CEP63: variants seen among roughly 807,000 people sequenced by gnomAD.
CEP63 encodes the protein centrosomal protein of 63 kDa.
A neutral mutation model predicts 89.1 loss-of-function variants in CEP63; 84 were observed. The ratio of observed to expected loss-of-function variants is 0.94; its 90% CI spans 0.79 to 1.13. The LOEUF is 1.13. CEP63 is among the 50% of genes most tolerant of loss of function. CEP63 has a pLI of 0.00. For synonymous variants in CEP63, 267 were observed against 272.5 expected, an observed-to-expected ratio of 0.98 and a Z score of 0.20; for missense variants, 838 against 813.3, an observed-to-expected ratio of 1.03 and a Z score of -0.37.
chr3:134,608,940 A>G, the CEP63 span: 1 of 1,357,372 alleles, frequency 7.4e-7, no homozygotes, highest in South Asian at 1.5e-5. Context: ...GGATGGGAAG[A>G]GGCACCATCT....
At chr3:134,517,931 A>C (rs1946596410) in intron 3 of CEP63, among the ~76,000 whole-genome samples, 2 of 152,198 alleles carry the variant, frequency 1.3e-5, no homozygotes, top group Non-Finnish European at 2.9e-5. Context: ...TGTAAAAAGA[A>C]GGACATTTTT....
At chr3:134,513,730 G>T (rs1053919030) in intron 3 of CEP63, among the ~76,000 whole-genome samples, 8 of 152,156 alleles carry the variant, frequency 5.3e-5, no homozygotes, top group African/African-American at 1.9e-4. Flanking sequence ...CACCCTAGGA[G>T]TAAGGATGGA....
chr3:134,548,326 G>GT (rs1166605817), intron 9 of CEP63, among the ~76,000 whole-genome samples: 1 of 152,334 alleles, frequency 6.6e-6, no homozygotes, highest in African/African-American at 2.4e-5. Context: ...GTAGGAAGGG[G>GT]TAACAGTTGA....
downstream of CEP63, among the ~76,000 whole-genome samples, chr3:134,588,249 G>T (rs1211481314): frequency 6.6e-6 from 1 of 151,884 alleles, no homozygotes; most frequent in Non-Finnish European, 1.5e-5. Context: ...AGACAGTGCG[G>T]CTGCACTCCA....
chr3:134,665,924 T>C, the CEP63 span, among the ~76,000 whole-genome samples: 3 of 146,846 alleles, frequency 2.0e-5, no homozygotes, highest in Non-Finnish European at 4.5e-5. Flanking sequence ...GACCGAGACA[T>C]AGGGAAAGAA....
At chr3:134,742,434 T>C in the CEP63 span, among the ~76,000 whole-genome samples, 1 of 152,032 alleles carries the variant, frequency 6.6e-6, no homozygotes, top group Non-Finnish European at 1.5e-5. Context: ...GGGGCCGGGA[T>C]TGTGTGTCTC....
the CEP63 span, among the ~76,000 whole-genome samples, chr3:134,761,116 A>G: frequency 6.6e-6 from 1 of 152,038 alleles, no homozygotes; most frequent in African/African-American, 2.4e-5. Flanking sequence ...AAGAACCTGG[A>G]AGCAATTTCC....
At chr3:134,715,218 C>T in the CEP63 span, among the ~76,000 whole-genome samples, 5 of 152,288 alleles carry the variant, frequency 3.3e-5, 1 homozygote, top group African/African-American at 1.2e-4. Flanking sequence ...CCAGCTGTGG[C>T]CTTCTGTTTT....
At chr3:134,537,909 T>C (rs1014361783) in intron 6 of CEP63, among the ~76,000 whole-genome samples, 1 of 152,194 alleles carries the variant, frequency 6.6e-6, no homozygotes, top group Admixed American at 6.5e-5. Flanking sequence ...TTTTAGAACA[T>C]TGATAGAAAC....
At chr3:134,713,112 T>C in the CEP63 span, among the ~76,000 whole-genome samples, 1 of 152,190 alleles carries the variant, frequency 6.6e-6, no homozygotes, top group African/African-American at 2.4e-5. Context: ...TGTTTTTCCC[T>C]CTTTTGGGCA....
At chr3:134,608,853 A>G in the CEP63 span, 1 of 1,598,928 alleles carries the variant, frequency 6.3e-7, no homozygotes, top group Non-Finnish European at 8.5e-7. Flanking sequence ...GAGCAGAGAC[A>G]AGCTGGTTAG....
the CEP63 span, among the ~76,000 whole-genome samples, chr3:134,764,032 A>T: frequency 1.3e-5 from 2 of 152,210 alleles, no homozygotes; most frequent in Non-Finnish European, 2.9e-5. Flanking sequence ...TGTTGGCATG[A>T]AGAATTTCTA....
the CEP63 span, among the ~76,000 whole-genome samples, chr3:134,734,290 G>A: frequency 2.0e-5 from 3 of 151,992 alleles, no homozygotes; most frequent in Non-Finnish European, 2.9e-5. Context: ...ATACTACTCA[G>A]CAAGAAAAAC....
At position 134,537,250 on chromosome 3, in the gene CEP63, A is replaced by T. The variant is rs745623908; in HGVS notation, c.537A>T (p.Glu179Asp). Residue 179 changes from glutamate (E) to aspartate (D), a missense_variant, in exon 6 of 15, where the codon GAA becomes GAT. Transcript: ENST00000675561. ...AGGCACAAAGGAAGGCTCTGGCTGA[A>T]CAATCAGAGATAATTCAGGTAGGCC... ...SLEAQRKALA[E>D]QSEIIQAQLV... 1 of 1,608,516 alleles carries T rather than the reference A, an allele frequency of 6.2e-7. No homozygotes were observed. The highest frequency in any genetic ancestry group is 1.7e-5 in the Admixed American group (1 of 60,014).
chr3:134,735,911 T>G, the CEP63 span, among the ~76,000 whole-genome samples: 4 of 152,110 alleles, frequency 2.6e-5, no homozygotes, highest in African/African-American at 9.7e-5. Context: ...CCCCAACTCA[T>G]TTAATGAGAC....
At chr3:134,684,737 C>T in the CEP63 span, among the ~76,000 whole-genome samples, 1 of 152,192 alleles carries the variant, frequency 6.6e-6, no homozygotes, top group African/African-American at 2.4e-5. Context: ...TCTGCAGCAA[C>T]AGGGACAATA....
chr3:134,524,522 A>G (rs555245953), intron 3 of CEP63, among the ~76,000 whole-genome samples: 6 of 152,292 alleles, frequency 3.9e-5, no homozygotes, highest in Admixed American at 3.9e-4. Flanking sequence ...TGGGTTTGTC[A>G]TAGATGGCTC....
chr3:134,624,911 A>C, the CEP63 span: 2 of 720,396 alleles, frequency 2.8e-6, no homozygotes, highest in Admixed American at 4.3e-5. Context: ...GTCCCCACCC[A>C]TATGCTATGA....
At chr3:134,703,249 T>C in the CEP63 span, among the ~76,000 whole-genome samples, 1 of 133,646 alleles carries the variant, frequency 7.5e-6, no homozygotes, top group Non-Finnish European at 1.5e-5. Context: ...TGAGCCGAGA[T>C]AGCGCCACTG....
Sources: gnomAD v4.1 joint callset for allele counts (sites outside exome capture counted in the v4.1 genomes callset) on GRCh38, gnomAD v4.1.1 for gene constraint, MANE v1.5 for transcripts, NCBI Gene and HGNC (gene_info 2026-07-23, HGNC 2026-07-21) for gene names.